Variants in CCNA1 observed in about 807,000 individuals in gnomAD.
CCNA1 encodes the protein cyclin A1.
In CCNA1, 23 loss-of-function variants were observed where a neutral mutation model predicts 54.1. The observed-to-expected ratio is 0.42, with a 90% confidence interval of 0.31 to 0.60. The LOEUF is 0.60. Among genes scored for constraint, CCNA1 ranks in the 20% least tolerant of loss-of-function variants. The pLI is 0.14. For missense variants in CCNA1, 450 were observed against 556.7 expected, an observed-to-expected ratio of 0.81 and a Z score of 1.93; for synonymous variants, 208 against 213.9, an observed-to-expected ratio of 0.97 and a Z score of 0.24.
chr13:36,437,464 T>C (rs1391571132), intron 2 of CCNA1, among the ~76,000 whole-genome samples, 165 bp from the exon 3 acceptor site: 1 of 152,050 alleles, frequency 6.6e-6, no homozygotes. Flanking sequence ...GGGGGAAAAA[T>C]TACACTTTTG....
At chr13:36,438,317 C>A in intron 4 of CCNA1, 126 bp downstream of exon 4, 1 of 842,696 alleles carries the variant, frequency 1.2e-6, no homozygotes, top group Non-Finnish European at 1.9e-6. Flanking sequence ...ATAAGAATAT[C>A]TATGAAAAAT....
At position 36,433,352 on chromosome 13, in the gene CCNA1, G is replaced by A. The variant is rs534017418; in HGVS notation, c.297+131G>A. 107 of 445,702 alleles carry A rather than the reference G, an allele frequency of 2.4e-4. No homozygotes were observed. In the Middle Eastern group the frequency reaches 5.3e-3, roughly 22 times the overall value. The allele number at this position is 445,702 out of a possible 1,614,324, so 27.6% of individuals were successfully genotyped here. On this transcript the variant is annotated intron_variant, in intron 2 of 8. Coordinates refer to ENST00000255465, the MANE Select transcript of CCNA1 (RefSeq NM_003914.4). ...TTACAACCCTGGAATCTGGACTACA[G>A]GAAAGTTGATTGATTTATTTTCTTT...
At position 36,433,008 on chromosome 13, in the gene CCNA1, T is replaced by A. The variant is rs751540225; in HGVS notation, c.109-25T>A. On this transcript the variant is annotated intron_variant, in intron 1 of 8. Transcript: ENST00000255465. ...GGGTGGACGGAATCGACTAAACAGC[T>A]TGTCTGTTTCTCTTTCCCTGGTAGC... is the stretch of plus-strand genomic sequence containing the variant. 3.7e-6 allele frequency: 6 copies of A among 1,600,040 alleles called. No individual in the cohort carries two copies. In the African/African-American group the frequency reaches 4.0e-5, roughly 11 times the overall value.
chr13:36,433,242 A>G, intron 2 of CCNA1, 21 bp downstream of exon 2: 1 of 1,592,254 alleles, frequency 6.3e-7, no homozygotes, highest in Non-Finnish European at 8.6e-7. Context: ...AGACGCATTG[A>G]GAATGATGCT....
intron 5 of CCNA1, 151 bp downstream of exon 5, chr13:36,439,018 G>C: frequency 1.6e-6 from 1 of 642,584 alleles, no homozygotes; most frequent in Non-Finnish European, 2.7e-6. Flanking sequence ...TCACAGGATT[G>C]ACTGAGAAAC....
intron 2 of CCNA1, among the ~76,000 whole-genome samples, chr13:36,434,833 C>T (rs111344786): frequency 6.7e-5 from 10 of 148,998 alleles, no homozygotes; most frequent in East Asian, 4.0e-4. Flanking sequence ...GGTGCCCCCC[C>T]CCCCGCGCCA....
Position 36,432,730 on chromosome 13 carries a change from G to A in CCNA1, c.108+1G>A, listed in dbSNP as rs756585634. 2.5e-6 allele frequency: 4 copies of A among 1,591,908 alleles called. No individual in the cohort carries two copies. In the East Asian group the frequency reaches 8.9e-5, roughly 36 times the overall value. On this transcript the variant is annotated splice_donor_variant, in intron 1 of 8. Coordinates refer to ENST00000255465, the MANE Select transcript of CCNA1 (RefSeq NM_003914.4). LOFTEE classifies it high-confidence loss of function. ...GGGGCTCCCAGATTTCGTCTTCCAG[G>A]TAACGTGGGTTTAGTATCCCGACTT...
chr13:36,433,415 T>TTTCGTTCGTTCG (rs1491484506), intron 2 of CCNA1, among the ~76,000 whole-genome samples, 194 bp downstream of exon 2: 42 of 121,702 alleles, frequency 3.5e-4, no homozygotes, highest in African/African-American at 1.3e-3. Flanking sequence ...TCTTTCTTTC[T>TTTCGTTCGTTCG]TTCTTTCTTT....
chr13:36,440,072 C>T lies in CCNA1; in HGVS notation c.987C>T (p.His329=). ...AACGACAACTGTTAAAAATGGAACA[C>T]TTGCTTCTGAAAGTTCTAGCTTTTG... Residue 329 remains histidine, a synonymous_variant, in exon 6 of 9, where the codon CAC becomes CAT. Coordinates refer to ENST00000255465, the MANE Select transcript of CCNA1 (RefSeq NM_003914.4). The T allele has an allele frequency of 6.2e-7, 1 of 1,613,826 alleles. No homozygotes were observed. Among genetic ancestry groups the T allele is most frequent in the Non-Finnish European group, 8.5e-7 (1 of 1,179,746 alleles).
chr13:36,437,485 T>A, intron 2 of CCNA1, 144 bp from the exon 3 acceptor site: 2 of 799,754 alleles, frequency 2.5e-6, no homozygotes, highest in Non-Finnish European at 4.0e-6. Context: ...AAGACCTTTT[T>A]TTTTTGGAAT....
chr13:36,438,262 T>C, intron 4 of CCNA1, 71 bp downstream of exon 4: 1 of 1,405,742 alleles, frequency 7.1e-7, no homozygotes, highest in Non-Finnish European at 9.7e-7. Flanking sequence ...TTATAAACTC[T>C]TGGTCCATAA....
chr13:36,433,697 C>T (rs753854170), intron 2 of CCNA1, among the ~76,000 whole-genome samples: 11 of 151,622 alleles, frequency 7.3e-5, no homozygotes, highest in Non-Finnish European at 1.6e-4. Context: ...CCCACCACCA[C>T]GCCCGGCTAA....
In CCNA1 at chr13:36,438,503, T is replaced by A. The variant is rs958275093; in HGVS notation, c.670-141T>A. 4.4e-6 allele frequency: 3 copies of A among 689,652 alleles called. No individual in the cohort carries two copies. In the African/African-American group the frequency reaches 5.4e-5, roughly 12 times the overall value. The allele number at this position is 689,652 out of a possible 1,614,324, so 42.7% of individuals were successfully genotyped here. A position where few individuals can be genotyped will look rare whatever the true frequency, so the allele number is the denominator to read the frequency against. ...ACAGAACCAGAAATTTACACTTTCT[T>A]CCTTGTTATGATAAAGATTTATTTG... On this transcript the variant is annotated intron_variant, in intron 4 of 8. Coordinates refer to ENST00000255465, the MANE Select transcript of CCNA1 (RefSeq NM_003914.4).
In CCNA1 at chr13:36,437,733, G is replaced by T. The variant is rs779594513; in HGVS notation, c.402G>T (p.Gly134=). 1 of 1,614,170 alleles carries T rather than the reference G, an allele frequency of 6.2e-7. No individual in the cohort carries two copies. Among genetic ancestry groups the T allele is most frequent in the Non-Finnish European group, 8.5e-7 (1 of 1,180,012 alleles). Reference sequence around the variant, plus strand: ...GGGTCCAAGAGCCCCCCAAGCAAGGGTTTGACATCTACATGGATGAACTAG... The same window carrying T: ...GGGTCCAAGAGCCCCCCAAGCAAGGTTTTGACATCTACATGGATGAACTAG... Residue 134 remains glycine (G), a synonymous_variant, in exon 3 of 9, where the codon GGG becomes GGT. Transcript: ENST00000255465.
At chr13:36,431,878 G>C (rs1424186044), upstream of CCNA1, 1 of 152,670 alleles carries the variant, frequency 6.6e-6, no homozygotes, top group Non-Finnish European at 1.5e-5. Context: ...TCCCGAGCCA[G>C]GGTTCTCAGG....
At chr13:36,436,797 C>T (rs2055810980) in intron 2 of CCNA1, among the ~76,000 whole-genome samples, 1 of 152,152 alleles carries the variant, frequency 6.6e-6, no homozygotes, top group African/African-American at 2.4e-5. Context: ...TAGAAGTAGC[C>T]TTCAACAGTA....
At position 36,441,036 on chromosome 13, in the gene CCNA1, T is replaced by C. The variant is rs539491613; in HGVS notation, c.1099-82T>C. 8 of 693,320 alleles carry C rather than the reference T, an allele frequency of 1.2e-5. No individual in the cohort carries two copies. The South Asian group carries it at 1.2e-4, about 10-fold the overall frequency. 42.9% of individuals were successfully genotyped at this position (693,320 alleles called of 1,614,324 possible). ...CCGACTGAACAAAGATAAGATACCATTTATTTCCTTGCCATTTCCAGGCTT... is the reference window on the plus strand; with the variant it reads ...CCGACTGAACAAAGATAAGATACCACTTATTTCCTTGCCATTTCCAGGCTT... On this transcript the variant is annotated intron_variant, in intron 6 of 8. Coordinates refer to ENST00000255465, the MANE Select transcript of CCNA1 (RefSeq NM_003914.4).
Position 36,432,750 on chromosome 13 carries a change from C to T in CCNA1, c.108+21C>T, listed in dbSNP as rs200880871. On this transcript the variant is annotated intron_variant, in intron 1 of 8. Coordinates refer to ENST00000255465, the MANE Select transcript of CCNA1 (RefSeq NM_003914.4). ...TCCAGGTAACGTGGGTTTAGTATCC[C>T]GACTTGGAGGCTTGTCAGAATGTTT... 5.5e-6 allele frequency: 8 copies of T among 1,449,144 alleles called. No homozygotes were observed. The East Asian group carries it at 1.6e-4, about 29-fold the overall frequency. The allele number at this position is 1,449,144 out of a possible 1,614,324, so 89.8% of individuals were successfully genotyped here. A position where few individuals can be genotyped will look rare whatever the true frequency, so the allele number is the denominator to read the frequency against.
At position 36,433,077 on chromosome 13, in the gene CCNA1, G is replaced by A. The variant is rs746609003; in HGVS notation, c.153G>A (p.Lys51=). ...AAGCAATGCACTGCAGCAACCCCAAGAGTGGAGTTGTGCTGGCTACAGTGG... is the reference window on the plus strand; with the variant it reads ...AAGCAATGCACTGCAGCAACCCCAAAAGTGGAGTTGTGCTGGCTACAGTGG... Residue 51 remains lysine, a synonymous_variant, in exon 2 of 9, where the codon AAG becomes AAA. Coordinates refer to ENST00000255465, the MANE Select transcript of CCNA1 (RefSeq NM_003914.4). 17 of 1,614,158 alleles carry A rather than the reference G, an allele frequency of 1.1e-5. No homozygotes were observed. The highest frequency in any genetic ancestry group is 1.4e-5 in the Non-Finnish European group (17 of 1,179,988).
Sources: gnomAD v4.1 joint callset for allele counts (sites outside exome capture counted in the v4.1 genomes callset) on GRCh38, gnomAD v4.1.1 for gene constraint, MANE v1.5 for transcripts, NCBI Gene and HGNC (gene_info 2026-07-23, HGNC 2026-07-21) for gene names.